LIPI: variants seen among roughly 807,000 people sequenced by gnomAD.
The protein encoded by LIPI is lipase member I.
A neutral mutation model predicts 50.6 loss-of-function variants in LIPI; 59 were observed. The observed-to-expected ratio is 1.16, with a 90% confidence interval of 0.94 to 1.45. LIPI has a LOEUF of 1.45. LIPI is among the 40% of genes most tolerant of loss of function. The probability of loss-of-function intolerance (pLI) is 0.00; values close to 1 mark genes in which losing one functional copy is unlikely to be tolerated. For synonymous variants in LIPI, 203 were observed against 178.2 expected (o/e 1.14, Z -1.11); for missense variants, 586 against 536.3 (o/e 1.09, Z -0.92).
intron 9 of LIPI, among the ~76,000 whole-genome samples, chr21:14,141,160 A>G (rs76346049): frequency 0.043 from 6,522 of 152,016 alleles, 428 homozygotes; most frequent in African/African-American, 0.14. Flanking sequence ...TCCTCAGTTG[A>G]AGGGGAATTT....
At chr21:14,187,677 A>G (rs777174164) in intron 2 of LIPI, among the ~76,000 whole-genome samples, 15 of 152,182 alleles carry the variant, frequency 9.9e-5, no homozygotes, top group Admixed American at 2.0e-4. Context: ...AGATGGTTGA[A>G]TCAATTACCT....
Position 14,134,990 on chromosome 21 carries a change from G to A in LIPI, c.1295+9633C>T, listed in dbSNP as rs527685973. ...ACACAAAAAAGAAACAATCAACCGA[G>A]TAAACAGAAAACTTACAGGATGGGA... On this transcript the variant is annotated intron_variant, in intron 9 of 9. Transcript: ENST00000681601. 1.3e-4 allele frequency among the ~76,000 whole-genome samples: 20 copies of A among 152,204 alleles called. 2 individuals carry two copies. Among genetic ancestry groups the A allele is most frequent in the South Asian group, 1.2e-3 (6 of 4,826 alleles).
chr21:14,119,802 C>A (rs944136919), intron 9 of LIPI, among the ~76,000 whole-genome samples: 3 of 152,170 alleles, frequency 2.0e-5, no homozygotes, highest in African/African-American at 7.2e-5. Context: ...AGCAACTAGA[C>A]TTTGTGGCTA....
At chr21:14,202,931 C>T (rs958371177) in intron 1 of LIPI, among the ~76,000 whole-genome samples, 6 of 151,856 alleles carry the variant, frequency 4.0e-5, no homozygotes, top group Non-Finnish European at 7.4e-5. Context: ...TGCAATCTAC[C>T]CATCTGACAA....
chr21:14,183,328 G>C (rs75372636), intron 3 of LIPI, among the ~76,000 whole-genome samples: 26,381 of 151,934 alleles, frequency 0.17, 2,646 homozygotes, highest in South Asian at 0.27. Flanking sequence ...ATTAATTCAA[G>C]ATGGATTAAA....
chr21:14,148,588 C>T lies in LIPI; in HGVS notation c.1119-3789G>A, dbSNP rs375383750. Among the ~76,000 whole-genome samples the T allele has an allele frequency of 1.3e-3, 192 of 152,154 alleles. 1 individual carries two copies. Among genetic ancestry groups the T allele is most frequent in the African/African-American group, 3.9e-3 (160 of 41,518 alleles). ...TACAATTGCCTCCAGTATTCAATAC[C>T]GTAGCATGCTGTACAGGTTTGTAAC... On this transcript the variant is annotated intron_variant, in intron 8 of 9. Transcript: ENST00000681601.
chr21:14,154,487 A>G (rs368608608), intron 7 of LIPI, among the ~76,000 whole-genome samples: 3 of 152,180 alleles, frequency 2.0e-5, no homozygotes, highest in East Asian at 3.9e-4. Flanking sequence ...TGAAGGAGGG[A>G]ATAAGACAAA....
chr21:14,206,903 A>G (rs1441402972), intron 1 of LIPI: 1 of 1,610,638 alleles, frequency 6.2e-7, no homozygotes, highest in Non-Finnish European at 8.5e-7. Flanking sequence ...ACAAGTTATT[A>G]TGTAAACATT....
At chr21:14,135,078 C>CA (rs149148053) in intron 9 of LIPI, among the ~76,000 whole-genome samples, 13,221 of 152,174 alleles carry the variant, frequency 0.087, 664 homozygotes, top group East Asian at 0.16. Flanking sequence ...ATAAGTAACT[C>CA]AAACAGCTCA....
chr21:14,180,104 A>C (rs536946364), intron 4 of LIPI, among the ~76,000 whole-genome samples: 1 of 152,224 alleles, frequency 6.6e-6, no homozygotes, highest in East Asian at 1.9e-4. Context: ...TGTGGTTGAG[A>C]TAAAGACTGA....
At chr21:14,186,118 A>C (rs1401801981) in intron 2 of LIPI, 49 bp from the exon 3 acceptor site, 1 of 981,240 alleles carries the variant, frequency 1.0e-6, no homozygotes, top group Admixed American at 1.7e-5. Flanking sequence ...TCAAGTAATA[A>C]CAAATCATGC....
intron 9 of LIPI, among the ~76,000 whole-genome samples, chr21:14,112,288 T>C (rs2016447626): frequency 6.6e-6 from 1 of 152,166 alleles, no homozygotes; most frequent in Admixed American, 6.5e-5. Context: ...CTAGCTTTGT[T>C]CTTTTTGCTC....
At chr21:14,131,324 T>G (rs1484560950) in intron 9 of LIPI, among the ~76,000 whole-genome samples, 1 of 152,042 alleles carries the variant, frequency 6.6e-6, no homozygotes, top group Non-Finnish European at 1.5e-5. Context: ...AACAGGCACA[T>G]TTACCCCACT....
At chr21:14,127,337 A>G (rs1223564298) in intron 9 of LIPI, among the ~76,000 whole-genome samples, 1 of 152,200 alleles carries the variant, frequency 6.6e-6, no homozygotes, top group African/African-American at 2.4e-5. Flanking sequence ...CTAGGTAATT[A>G]AACTTAAGCA....
At chr21:14,160,891 A>G (rs1477361325) in intron 7 of LIPI, among the ~76,000 whole-genome samples, 2 of 151,444 alleles carry the variant, frequency 1.3e-5, no homozygotes, top group East Asian at 1.9e-4. Flanking sequence ...ATAATCATCC[A>G]TCAGGGCAAT....
intron 7 of LIPI, among the ~76,000 whole-genome samples, chr21:14,155,422 G>A (rs1305915286): frequency 1.3e-5 from 2 of 151,740 alleles, no homozygotes; most frequent in African/African-American, 2.4e-5. Context: ...CATGATGCCT[G>A]GAAACTTTCT....
Position 14,108,826 on chromosome 21 carries a change from A to C in LIPI, c.*167T>G. ...TTTCAGAATATATTTGGAATGTTTA[A>C]CTGTATGCATTTTTTATTTTCTTTA... On this transcript the variant is annotated 3_prime_UTR_variant, in exon 10 of 10. Transcript: ENST00000681601. 2 of 702,008 alleles carry C rather than the reference A, an allele frequency of 2.8e-6. No individual in the cohort carries two copies. Among genetic ancestry groups the C allele is most frequent in the Admixed American group, 2.7e-5 (1 of 36,638 alleles). 43.5% of individuals were successfully genotyped at this position (702,008 alleles called of 1,614,324 possible). A position where few individuals can be genotyped will look rare whatever the true frequency, so the allele number is the denominator to read the frequency against.
intron 9 of LIPI, among the ~76,000 whole-genome samples, chr21:14,116,675 T>C (rs904063217): frequency 3.3e-5 from 5 of 152,150 alleles, no homozygotes; most frequent in African/African-American, 1.2e-4. Context: ...GGGTGGTCAC[T>C]GGGGTCAGAC....
At chr21:14,170,120 T>C (rs1473884800) in intron 4 of LIPI, among the ~76,000 whole-genome samples, 1 of 152,060 alleles carries the variant, frequency 6.6e-6, no homozygotes, top group Non-Finnish European at 1.5e-5. Context: ...CTAGAAGAAA[T>C]GGATAAATTC....
Sources: gnomAD v4.1 joint callset for allele counts (sites outside exome capture counted in the v4.1 genomes callset) on GRCh38, gnomAD v4.1.1 for gene constraint, MANE v1.5 for transcripts, NCBI Gene and HGNC (gene_info 2026-07-23, HGNC 2026-07-21) for gene names.